PRIM2: variants seen among roughly 807,000 people sequenced by gnomAD.
PRIM2 encodes DNA primase subunit 2.
PRIM2 carries 39 observed loss-of-function variants against 67.3 expected under a neutral mutation model. The ratio of observed to expected loss-of-function variants is 0.58; its 90% CI spans 0.45 to 0.76. PRIM2 has a LOEUF of 0.76. Ranked by LOEUF, PRIM2 falls within the 30% of genes least tolerant of loss-of-function variation. The pLI is 0.00. For synonymous variants in PRIM2, 143 were observed against 198.7 expected (o/e 0.72, Z 2.36); for missense variants, 398 against 598.7 (o/e 0.66, Z 3.50).
chr6:57,563,905 C>T (rs1201832802), intron 10 of PRIM2, among the ~76,000 whole-genome samples: 11 of 152,166 alleles, frequency 7.2e-5, no homozygotes, highest in Non-Finnish European at 1.2e-4. Context: ...GTGATCCACC[C>T]TCCTCAGCCT....
rs1248713238 is a variant in PRIM2, at chr6:57,599,198, G to A, written c.1021-1895G>A. Among the ~76,000 whole-genome samples the A allele has an allele frequency of 7.6e-5, 5 of 65,918 alleles. 2 individuals carry two copies. The highest frequency in any genetic ancestry group is 2.0e-4 in the African/African-American group (2 of 9,860). The allele number at this position is 65,918 out of a possible 152,430, so 43.2% of individuals were successfully genotyped here. On this transcript the variant is annotated intron_variant, in intron 10 of 13. Coordinates refer to ENST00000615550, the MANE Select transcript of PRIM2 (RefSeq NM_000947.5). ...CCTGACCTCGTGATCCGCCCGCCTC[G>A]GCCTCCCAAAGTGCTGGGATTACAG...
chr6:57,523,718 A>G (rs1774678671), intron 8 of PRIM2, among the ~76,000 whole-genome samples: 1 of 151,822 alleles, frequency 6.6e-6, no homozygotes. Flanking sequence ...TGAAAAGATT[A>G]TTATTATTTT....
At chr6:57,531,243 C>G (rs1286864659) in intron 8 of PRIM2, among the ~76,000 whole-genome samples, 1 of 152,014 alleles carries the variant, frequency 6.6e-6, no homozygotes, top group Non-Finnish European at 1.5e-5. Context: ...GCCTTGATCT[C>G]CCTGGCTCAA....
Position 57,320,482 on chromosome 6 carries a change from A to C in PRIM2, c.180A>C (p.Gly60=). The change falls in exon 3 of 14, where the codon GGA becomes GGC. Residue 60 remains glycine (G), a synonymous_variant. Transcript: ENST00000615550. ...TGTTAAAATCAGTTGAAAATCTTGG[A>C]GTGAGCTATGTGAAAGGAACTGAAC... is the stretch of plus-strand genomic sequence containing the variant. ...VKLLKSVENL[G]VSYVKGTEQY... 3.7e-6 allele frequency: 6 copies of C among 1,607,060 alleles called. No individual in the cohort carries two copies. The highest frequency in any genetic ancestry group is 5.1e-6 in the Non-Finnish European group (6 of 1,177,770).
At position 57,355,234 on chromosome 6, in the gene PRIM2, G is replaced by T. The variant is rs189320090; in HGVS notation, c.460-24667G>T. 5.2e-3 allele frequency among the ~76,000 whole-genome samples: 795 copies of T among 151,594 alleles called. 1 individual carries two copies. The highest frequency in any genetic ancestry group is 0.01 in the Middle Eastern group (3 of 294). ...CAAGAGAATCACTTGAACTCGAGAGGCGGAGGTTGCAGTAAGCTGAGATTG... is the reference window on the plus strand; with the variant it reads ...CAAGAGAATCACTTGAACTCGAGAGTCGGAGGTTGCAGTAAGCTGAGATTG... On this transcript the variant is annotated intron_variant, in intron 5 of 13. Transcript: ENST00000615550.
chr6:57,310,000 AC>A (rs1767351391), upstream of PRIM2, among the ~76,000 whole-genome samples: 1 of 152,172 alleles, frequency 6.6e-6, no homozygotes, highest in Non-Finnish European at 1.5e-5. Context: ...ATCAGAGTGA[AC>A]AGGCAACCTA....
At chr6:57,446,874 A>AGGGAAGGTAGAAGTTGGGC (rs1772385530) in intron 7 of PRIM2, among the ~76,000 whole-genome samples, 4 of 152,130 alleles carry the variant, frequency 2.6e-5, no homozygotes, top group Non-Finnish European at 5.9e-5. Context: ...CCATGATGGA[A>AGGGAAGGTAGAAGTTGGGC]GGGAAGGTAG....
intron 10 of PRIM2, among the ~76,000 whole-genome samples, chr6:57,559,244 T>C (rs1775580973): frequency 6.6e-6 from 1 of 152,188 alleles, no homozygotes; most frequent in Non-Finnish European, 1.5e-5. Flanking sequence ...GAATTTTTGG[T>C]AGCATGCTTA....
intron 5 of PRIM2, among the ~76,000 whole-genome samples, chr6:57,369,770 A>T (rs1769481931): frequency 6.6e-6 from 1 of 152,216 alleles, no homozygotes; most frequent in African/African-American, 2.4e-5. Context: ...AGTTATTTTG[A>T]ATTCCCCTAT....
At chr6:57,581,505 A>G (rs1776083563) in intron 10 of PRIM2, among the ~76,000 whole-genome samples, 1 of 152,230 alleles carries the variant, frequency 6.6e-6, no homozygotes, top group South Asian at 2.1e-4. Flanking sequence ...TGGCATTCAT[A>G]TCAATGAATA....
At chr6:57,615,823 A>G (rs1381224627) in intron 12 of PRIM2, among the ~76,000 whole-genome samples, 1 of 152,156 alleles carries the variant, frequency 6.6e-6, no homozygotes, top group African/African-American at 2.4e-5. Context: ...GAGCCTAGTA[A>G]TTGTTACAGT....
intron 7 of PRIM2, among the ~76,000 whole-genome samples, chr6:57,394,314 GT>G (rs1770450393): frequency 6.6e-6 from 1 of 152,064 alleles, no homozygotes; most frequent in Non-Finnish European, 1.5e-5. Context: ...GTTTCCATTT[GT>G]TTGTGTTATC....
intron 7 of PRIM2, among the ~76,000 whole-genome samples, chr6:57,396,297 G>A (rs199678614): frequency 6.6e-6 from 1 of 151,708 alleles, no homozygotes; most frequent in African/African-American, 2.4e-5. Flanking sequence ...CATTTCTTAT[G>A]TCTATTAGTA....
intron 12 of PRIM2, among the ~76,000 whole-genome samples, chr6:57,626,590 A>C (rs1215014907): frequency 1.3e-5 from 2 of 152,018 alleles, no homozygotes; most frequent in African/African-American, 2.4e-5. Context: ...GCAAATACAA[A>C]TATGAACTTT....
At chr6:57,491,025 A>C (rs1554345919) in intron 7 of PRIM2, among the ~76,000 whole-genome samples, 3 of 152,222 alleles carry the variant, frequency 2.0e-5, no homozygotes, top group Non-Finnish European at 4.4e-5. Context: ...AAAAATATTC[A>C]AATAAATAAT....
intron 10 of PRIM2, among the ~76,000 whole-genome samples, chr6:57,594,029 T>C (rs1183004948): frequency 1 from 152,016 of 152,278 alleles, 75,881 homozygotes; most frequent in Middle Eastern, 1. Flanking sequence ...AATTCAATTC[T>C]TACCTAAAAG....
At chr6:57,277,660 G>C in the PRIM2 span, among the ~76,000 whole-genome samples, 1 of 152,152 alleles carries the variant, frequency 6.6e-6, no homozygotes, top group Middle Eastern at 3.4e-3. Context: ...TGTGAATTCA[G>C]AATCAGTGTC....
At chr6:57,446,289 G>GT (rs10667309) in intron 7 of PRIM2, among the ~76,000 whole-genome samples, 63,579 of 139,376 alleles carry the variant, frequency 0.46, 15,535 homozygotes, top group South Asian at 0.62. Flanking sequence ...TGTTTTTTTT[G>GT]TTTTTTTTTT....
intron 10 of PRIM2, among the ~76,000 whole-genome samples, chr6:57,597,653 A>G (rs1661091265): frequency 1.3e-5 from 2 of 152,138 alleles, no homozygotes; most frequent in African/African-American, 4.8e-5. Context: ...ATCCTTTATA[A>G]ATGGACAAGC....
Sources: allele counts gnomAD v4.1 joint callset (sites outside exome capture counted in the v4.1 genomes callset), GRCh38; gene constraint gnomAD v4.1.1; transcripts MANE v1.5; gene names NCBI Gene and HGNC (gene_info 2026-07-23, HGNC 2026-07-21).